Variants in VSIG4 observed in about 807,000 individuals in gnomAD.
VSIG4 encodes V-set and immunoglobulin domain containing 4.
In VSIG4, 34 loss-of-function variants were observed where a neutral mutation model predicts 23.4. That is an observed-to-expected ratio of 1.45 (90% CI 1.10 to 1.93). The LOEUF is 1.93. Ranked by LOEUF, VSIG4 falls within the 30% of genes most tolerant of loss-of-function variation. The probability of loss-of-function intolerance (pLI) is 0.00; values close to 1 mark genes in which losing one functional copy is unlikely to be tolerated. For synonymous variants in VSIG4, 169 were observed against 120.3 expected (o/e 1.41, Z -2.65); for missense variants, 433 against 310.8 (o/e 1.39, Z -2.96).
chrX:66,038,253 C>G (rs1215040995), intron 1 of VSIG4, among the ~76,000 whole-genome samples: 3 of 111,235 alleles, frequency 2.7e-5, no homozygotes, highest in Non-Finnish European at 5.7e-5. Context: ...ACAGAGTTGT[C>G]CAGCTGAGAA....
chrX:66,026,803 G>C (rs1385153884), intron 5 of VSIG4, among the ~76,000 whole-genome samples: 1 of 111,475 alleles, frequency 9.0e-6, no homozygotes, highest in Non-Finnish European at 1.9e-5. Context: ...ATGACCATGG[G>C]GGTGGTCTAG....
intron 3 of VSIG4, 61 bp downstream of exon 3, chrX:66,032,407 T>G (rs1034004118): frequency 4.2e-5 from 48 of 1,154,081 alleles, no homozygotes; most frequent in Non-Finnish European, 5.2e-5. Context: ...GGGCACCTTT[T>G]GAGGTATCTT....
At chrX:66,035,186 G>C (rs953030674) in intron 1 of VSIG4, among the ~76,000 whole-genome samples, 3 of 111,450 alleles carry the variant, frequency 2.7e-5, no homozygotes, top group Non-Finnish European at 5.6e-5. Context: ...AAGCCCTTGA[G>C]TAGAAAAGAA....
chrX:66,027,659 T>C (rs535025684), intron 4 of VSIG4, 133 bp from the exon 5 acceptor site: 7 of 512,753 alleles, frequency 1.4e-5, no homozygotes, highest in African/African-American at 6.9e-5. Context: ...GACCATGTTA[T>C]CAACCACTAG....
intron 2 of VSIG4, among the ~76,000 whole-genome samples, chrX:66,032,988 T>C (rs760268728): frequency 9.9e-5 from 11 of 111,555 alleles, no homozygotes; most frequent in Non-Finnish European, 2.1e-4. Context: ...AAAAATCAAC[T>C]GACCTTTAAA....
chrX:66,028,009 T>C (rs372049609), intron 4 of VSIG4, 41 bp downstream of exon 4: 1 of 1,158,955 alleles, frequency 8.6e-7, no homozygotes, highest in African/African-American at 1.8e-5. Context: ...ATGACACCAT[T>C]TTGAACCTCT....
At chrX:66,023,459 T>A (rs2085355846) in intron 6 of VSIG4, among the ~76,000 whole-genome samples, 1 of 112,099 alleles carries the variant, frequency 8.9e-6, no homozygotes, top group Admixed American at 9.4e-5. Flanking sequence ...GTGCTTATAA[T>A]TTTTCAGGGA....
At chrX:66,029,666 G>A (rs1383441033) in intron 3 of VSIG4, among the ~76,000 whole-genome samples, 1 of 111,659 alleles carries the variant, frequency 9.0e-6, no homozygotes, top group African/African-American at 3.3e-5. Context: ...GCCTAATAAG[G>A]TATCTGATTC....
At chrX:66,022,957 G>C in intron 6 of VSIG4, 95 bp from the exon 7 acceptor site, 3 of 961,287 alleles carry the variant, frequency 3.1e-6, no homozygotes, top group Non-Finnish European at 4.4e-6. Flanking sequence ...ATGAGGGAAG[G>C]GTACAGAGGA....
chrX:66,031,666 AAGG>A, intron 3 of VSIG4, among the ~76,000 whole-genome samples: 1 of 111,287 alleles, frequency 9.0e-6, no homozygotes, highest in East Asian at 2.8e-4. Flanking sequence ...CTTTCTTTCC[AAGG>A]AGATCTCTTG....
At chrX:66,031,088 G>C (rs1055421538) in intron 3 of VSIG4, among the ~76,000 whole-genome samples, 11 of 111,022 alleles carry the variant, frequency 9.9e-5, no homozygotes, top group African/African-American at 3.6e-4. Flanking sequence ...TAACTTCCCT[G>C]AGCCTCAGTT....
intron 5 of VSIG4, among the ~76,000 whole-genome samples, chrX:66,025,599 A>G (rs765704859): frequency 5.4e-5 from 6 of 111,979 alleles, no homozygotes; most frequent in Non-Finnish European, 9.4e-5. Context: ...TGAGACACAT[A>G]TTCCCATTAT....
chrX:66,032,818 T>G (rs2085481532), intron 2 of VSIG4, 69 bp from the exon 3 acceptor site: 2 of 1,099,540 alleles, frequency 1.8e-6, no homozygotes, highest in African/African-American at 3.7e-5. Context: ...GGCTGAATCA[T>G]TCTTGTTGGG....
chrX:66,025,177 A>G, intron 5 of VSIG4, 48 bp from the exon 6 acceptor site: 1 of 958,490 alleles, frequency 1.0e-6, no homozygotes, highest in Non-Finnish European at 1.4e-6. Flanking sequence ...AAATAAGGCC[A>G]GAAACAAAAA....
intron 6 of VSIG4, among the ~76,000 whole-genome samples, chrX:66,023,558 G>A (rs1295076077): frequency 8.9e-6 from 1 of 112,722 alleles, no homozygotes; most frequent in Non-Finnish European, 1.9e-5. Flanking sequence ...CTGCATTTCT[G>A]TGTCTTACTC....
chrX:66,032,233 G>A (rs909884832), intron 3 of VSIG4, among the ~76,000 whole-genome samples: 1 of 111,831 alleles, frequency 8.9e-6, no homozygotes, highest in African/African-American at 3.3e-5. Flanking sequence ...CAAATACAAT[G>A]TGCTAGTAAA....
At chrX:66,028,931 G>A (rs779355907) in intron 3 of VSIG4, among the ~76,000 whole-genome samples, 2 of 111,284 alleles carry the variant, frequency 1.8e-5, no homozygotes, top group Non-Finnish European at 3.8e-5. Flanking sequence ...TGGATAATAG[G>A]CGAGAAAACA....
chrX:66,022,298 C>G lies in VSIG4; in HGVS notation c.1165G>C (p.Glu389Gln), dbSNP rs750846214. ...CTTTTGCCCTCAGTGGCCAGAAACTCATAATCCAGAGGAACTGTGTCCAGC... is the reference window on the plus strand; with the variant it reads ...CTTTTGCCCTCAGTGGCCAGAAACTGATAATCCAGAGGAACTGTGTCCAGC... ...RLLDTVPLDY[E>Q]FLATEGKSVC Residue 389 changes from glutamate (E) to glutamine (Q), a missense_variant, in exon 8 of 8, where the codon GAG becomes CAG. Transcript: ENST00000374737. 8.2e-7 allele frequency: 1 copy of G among 1,212,248 alleles called. No individual in the cohort carries two copies. The highest frequency in any genetic ancestry group is 1.1e-6 in the Non-Finnish European group (1 of 895,617).
rs1234638736 is a variant in VSIG4, at chrX:66,033,655, G to C, written c.231C>G (p.Ile77Met). 8.3e-7 allele frequency: 1 copy of C among 1,209,389 alleles called. No homozygotes were observed. ...IFLRDSSGDH[I>M]QQAKYQGRLH... The stretch of plus-strand genomic sequence containing the variant: ...GGCGGCCCTGGTACTTTGCCTGCTG[G>C]ATATGGTCTCCAGAAGAGTCACGTA... Residue 77 changes from isoleucine to methionine, a missense_variant, in exon 2 of 8, where the codon ATC (isoleucine) becomes ATG (methionine). By Grantham distance (10) the Ile-to-Met change is conservative. Coordinates refer to ENST00000374737, the MANE Select transcript of VSIG4 (RefSeq NM_007268.3).
Sources: gnomAD v4.1 joint callset for allele counts (sites outside exome capture counted in the v4.1 genomes callset) on GRCh38, gnomAD v4.1.1 for gene constraint, MANE v1.5 for transcripts, NCBI Gene and HGNC (gene_info 2026-07-23, HGNC 2026-07-21) for gene names.